CACNA1E: variants seen among roughly 807,000 people sequenced by gnomAD.
The protein encoded by CACNA1E is voltage-dependent R-type calcium channel subunit alpha-1E.
CACNA1E carries 40 observed loss-of-function variants against 259.2 expected under a neutral mutation model. The ratio of observed to expected loss-of-function variants is 0.15; its 90% CI spans 0.12 to 0.20. The LOEUF (loss-of-function observed/expected upper bound fraction) is 0.20. Ranked by LOEUF, CACNA1E falls within the 10% of genes least tolerant of loss-of-function variation. The pLI is 1.00. For missense variants in CACNA1E, 1,874 were observed against 3,040.1 expected, an observed-to-expected ratio of 0.62 and a Z score of 9.02; for synonymous variants, 1,104 against 1,138.5, an observed-to-expected ratio of 0.97 and a Z score of 0.61.
intron 18 of CACNA1E, among the ~76,000 whole-genome samples, chr1:181,729,406 C>G (rs187286171): frequency 6.6e-6 from 1 of 152,198 alleles, no homozygotes; most frequent in Non-Finnish European, 1.5e-5. Context: ...GGTGTTAAGG[C>G]GAAACTGCTG....
At chr1:181,391,951 G>C (rs954793227) in intron 1 of CACNA1E, among the ~76,000 whole-genome samples, 3 of 144,720 alleles carry the variant, frequency 2.1e-5, no homozygotes, top group Admixed American at 6.7e-5. Flanking sequence ...CTCTCTGTGT[G>C]TGTGTGTGTG....
chr1:181,498,064 A>G (rs745780491), intron 1 of CACNA1E, among the ~76,000 whole-genome samples: 2 of 152,144 alleles, frequency 1.3e-5, no homozygotes, highest in Non-Finnish European at 2.9e-5. Context: ...ATTAGCATGG[A>G]AAGTCCATTT....
intron 7 of CACNA1E, among the ~76,000 whole-genome samples, chr1:181,657,972 C>T (rs1659345248): frequency 6.6e-6 from 1 of 152,222 alleles, no homozygotes; most frequent in Non-Finnish European, 1.5e-5. Flanking sequence ...ACTCTGGCCC[C>T]CAGAGAAGCC....
chr1:181,637,761 G>A (rs1657373670), intron 6 of CACNA1E, among the ~76,000 whole-genome samples: 1 of 152,104 alleles, frequency 6.6e-6, no homozygotes, highest in Admixed American at 6.5e-5. Context: ...ATTCAGTGTA[G>A]GGCATAAGGG....
At chr1:181,644,600 A>G (rs952016894) in intron 6 of CACNA1E, among the ~76,000 whole-genome samples, 1 of 152,154 alleles carries the variant, frequency 6.6e-6, no homozygotes, top group Non-Finnish European at 1.5e-5. Flanking sequence ...CCAGCTTTGT[A>G]TGGTGGGTCA....
intron 7 of CACNA1E, among the ~76,000 whole-genome samples, chr1:181,654,876 C>T (rs1370700823): frequency 5.3e-5 from 8 of 150,368 alleles, no homozygotes; most frequent in South Asian, 2.1e-4. Context: ...CCCAGCTACG[C>T]GAGAGGCTGA....
intron 2 of CACNA1E, among the ~76,000 whole-genome samples, chr1:181,471,089 A>G (rs1015164398): frequency 1.3e-5 from 2 of 152,206 alleles, no homozygotes; most frequent in Non-Finnish European, 2.9e-5. Flanking sequence ...AGCTGATGGC[A>G]GTATCCTCAC....
chr1:181,733,831 GA>G, intron 21 of CACNA1E, 81 bp downstream of exon 21: 1 of 1,063,808 alleles, frequency 9.4e-7, no homozygotes, highest in Non-Finnish European at 1.3e-6. Context: ...AAGCCACATG[GA>G]AAGCACCACC....
rs1174624679 is a variant in CACNA1E at position 181,485,316 on chromosome 1, C to A, written c.266+1306C>A. Among the ~76,000 whole-genome samples, 1 of 152,208 alleles carries A rather than the reference C, an allele frequency of 6.6e-6. No homozygotes were observed. The highest frequency in any genetic ancestry group is 1.5e-5 in the Non-Finnish European group (1 of 68,032). On this transcript the variant is annotated intron_variant, in intron 1 of 47. Coordinates refer to ENST00000367573, the MANE Select transcript of CACNA1E (RefSeq NM_001205293.3). The surrounding 1 kb of genome is among the most constrained non-coding windows in gnomAD (Gnocchi z 4.2). The stretch of plus-strand genomic sequence containing the variant: ...CATTTCCCCCAGGGCCTGGGCATCT[C>A]CCTACTCCCCCAACCCCAGTCTCTG...
intron 18 of CACNA1E, among the ~76,000 whole-genome samples, chr1:181,729,900 C>T (rs890499272): frequency 6.6e-6 from 1 of 152,214 alleles, no homozygotes. Context: ...CTAAAGCGTA[C>T]GCTTCTACTT....
intron 7 of CACNA1E, among the ~76,000 whole-genome samples, chr1:181,663,532 ATGAAT>A (rs1647898003): frequency 6.6e-6 from 1 of 152,220 alleles, no homozygotes; most frequent in Non-Finnish European, 1.5e-5. Context: ...GAAATGATTG[ATGAAT>A]TGAAGGGAAA....
intron 18 of CACNA1E, among the ~76,000 whole-genome samples, chr1:181,728,923 A>T (rs1348895770): frequency 8.5e-3 from 348 of 41,058 alleles, no homozygotes; most frequent in Middle Eastern, 0.02. Context: ...CAGATGTGTG[A>T]ACATTGCTCA....
rs1267946009 is a variant in CACNA1E, at chr1:181,776,407, G to C, written c.5267+179G>C. The C allele has an allele frequency of 1.7e-6, 1 of 604,150 alleles. No homozygotes were observed. Among genetic ancestry groups the C allele is most frequent in the Non-Finnish European group, 2.9e-6 (1 of 341,726 alleles). The allele number at this position is 604,150 out of a possible 1,614,324, so 37.4% of individuals were successfully genotyped here. A position where few individuals can be genotyped will look rare whatever the true frequency, so the allele number is the denominator to read the frequency against. On this transcript the variant is annotated intron_variant, in intron 38 of 47. Coordinates refer to ENST00000367573, the MANE Select transcript of CACNA1E (RefSeq NM_001205293.3). The surrounding 1 kb of genome is among the most constrained non-coding windows in gnomAD (Gnocchi z 4.4). ...ATCAAGCCAGTCACCAAGGACTTCT[G>C]TATCCTCCTTTCCCCTCTCTTTCCT...
At chr1:181,615,502 T>C (rs1655128937) in intron 6 of CACNA1E, among the ~76,000 whole-genome samples, 1 of 152,198 alleles carries the variant, frequency 6.6e-6, no homozygotes, top group Non-Finnish European at 1.5e-5. Context: ...TATCTTTTAT[T>C]AAACTCATTT....
chr1:181,446,332 C>G lies in CACNA1E; in HGVS notation c.434+32752C>G, dbSNP rs140807610. On this transcript the variant is annotated intron_variant, in intron 2 of 11. Transcript: ENST00000524607. ...GTGAATCTCTGCCAAAGGTCCCAGGCTTGCTTGGTGCCAAGGGTTTCATTC... is the reference window on the plus strand; with the variant it reads ...GTGAATCTCTGCCAAAGGTCCCAGGGTTGCTTGGTGCCAAGGGTTTCATTC... 3.7e-3 allele frequency among the ~76,000 whole-genome samples: 565 copies of G among 152,330 alleles called. 1 individual carries two copies. Among genetic ancestry groups the G allele is most frequent in the Non-Finnish European group, 5.9e-3 (403 of 68,026 alleles).
chr1:181,482,818 G>GCCCGCCCGCTCGCACT (rs571619220), upstream of CACNA1E, among the ~76,000 whole-genome samples: 1 of 152,222 alleles, frequency 6.6e-6, no homozygotes, highest in Non-Finnish European at 1.5e-5. Context: ...GGTGCTCGCC[G>GCCCGCCCGCTCGCACT]CCCGCCCGCT....
At chr1:181,704,621 G>A (rs1033200263) in intron 7 of CACNA1E, among the ~76,000 whole-genome samples, 3 of 152,134 alleles carry the variant, frequency 2.0e-5, no homozygotes, top group Non-Finnish European at 4.4e-5. Context: ...CTTGTGCCAG[G>A]ATGAGTGTGT....
chr1:181,577,637 C>T, intron 3 of CACNA1E, 129 bp from the exon 4 acceptor site: 1 of 535,958 alleles, frequency 1.9e-6, no homozygotes, highest in Non-Finnish European at 3.4e-6. Context: ...AGCTCAGGTG[C>T]ACCCACATAC....
chr1:181,784,916 G>T, intron 41 of CACNA1E, 148 bp downstream of exon 41: 1 of 613,018 alleles, frequency 1.6e-6, no homozygotes, highest in Non-Finnish European at 2.9e-6. Context: ...GATAAAACAT[G>T]TTCTTTAAGA....
Sources: allele counts gnomAD v4.1 joint callset (sites outside exome capture counted in the v4.1 genomes callset), GRCh38; gene constraint gnomAD v4.1.1; non-coding constraint Gnocchi (gnomAD v3.1); transcripts MANE v1.5; gene names NCBI Gene and HGNC (gene_info 2026-07-23, HGNC 2026-07-21).